ADAM17: variants seen among roughly 807,000 people sequenced by gnomAD.
ADAM17 encodes the protein disintegrin and metalloproteinase domain-containing protein 17.
Under a neutral mutation model 96.7 loss-of-function variants are expected in ADAM17, and 39 were observed. The ratio of observed to expected loss-of-function variants is 0.40; its 90% CI spans 0.31 to 0.53. The LOEUF is 0.53. Ranked by LOEUF, ADAM17 falls within the 20% of genes least tolerant of loss-of-function variation. The pLI is 0.44. For synonymous variants in ADAM17, 344 were observed against 359.2 expected (o/e 0.96, Z 0.48); for missense variants, 777 against 1,013.2 (o/e 0.77, Z 3.17).
chr2:9,505,119 A>G, intron 12 of ADAM17, 47 bp downstream of exon 12: 1 of 1,595,964 alleles, frequency 6.3e-7, no homozygotes, highest in Non-Finnish European at 8.6e-7. Flanking sequence ...TATTTTGGAC[A>G]TCTTGTTATA....
chr2:9,499,415 T>G, intron 13 of ADAM17, among the ~76,000 whole-genome samples: 1 of 152,106 alleles, frequency 6.6e-6, no homozygotes, highest in East Asian at 1.9e-4. Context: ...TTTTGGTTTT[T>G]TTTTGAGATG....
intron 1 of ADAM17, among the ~76,000 whole-genome samples, chr2:9,555,133 CACA>C (rs1198635865): frequency 5.9e-5 from 9 of 152,126 alleles, no homozygotes; most frequent in Non-Finnish European, 1.3e-4. Context: ...GGTAGGAACA[CACA>C]ACACTAGATT....
chr2:9,550,597 C>A (rs987636412), intron 1 of ADAM17, among the ~76,000 whole-genome samples: 1 of 151,850 alleles, frequency 6.6e-6, no homozygotes, highest in Non-Finnish European at 1.5e-5. Context: ...AGGCACGCAC[C>A]ACCACGCCTG....
In ADAM17 at chr2:9,494,784, G is replaced by C; in HGVS notation, c.1784-17C>G. 1 of 1,613,128 alleles carries C rather than the reference G, an allele frequency of 6.2e-7. No individual in the cohort carries two copies. The highest frequency in any genetic ancestry group is 8.5e-7 in the Non-Finnish European group (1 of 1,179,404). On this transcript the variant is annotated splice_polypyrimidine_tract_variant and intron_variant, in intron 14 of 18. Coordinates refer to ENST00000310823, the MANE Select transcript of ADAM17 (RefSeq NM_003183.6). ...TGTCAGTTTCTGGAACAGAGAACAC[G>C]CATTGACAGCTGGATTGTTCTGAGA...
intron 2 of ADAM17, among the ~76,000 whole-genome samples, chr2:9,539,157 G>A (rs1220701288): frequency 6.6e-6 from 1 of 151,478 alleles, no homozygotes; most frequent in Non-Finnish European, 1.5e-5. Context: ...GCCCAGGCTG[G>A]AGTGCAGTGG....
intron 2 of ADAM17, among the ~76,000 whole-genome samples, chr2:9,542,303 G>A (rs140837629): frequency 2.0e-4 from 31 of 152,298 alleles, no homozygotes; most frequent in Admixed American, 3.9e-4. Flanking sequence ...ACTTTGGGAG[G>A]CCAAGATGGA....
chr2:9,515,017 CCT>C (rs1663989084), intron 10 of ADAM17, among the ~76,000 whole-genome samples: 1 of 152,168 alleles, frequency 6.6e-6, no homozygotes, highest in Admixed American at 6.5e-5. Context: ...CCTGCCACCA[CCT>C]GTTTTTAAAT....
Position 9,543,256 on chromosome 2 carries a change from C to A in ADAM17, c.127G>T (p.Asp43Tyr), listed in dbSNP as rs749480182. 1 of 1,604,274 alleles carries A rather than the reference C, an allele frequency of 6.2e-7. No individual in the cohort carries two copies. The highest frequency in any genetic ancestry group is 8.5e-7 in the Non-Finnish European group (1 of 1,176,482). The change falls in exon 2 of 19, where the codon GAT (aspartate) becomes TAT (tyrosine). Residue 43 changes from aspartate (D) to tyrosine (Y), a missense_variant. Transcript: ENST00000310823. ...EKLDSLLSDY[D>Y]ILSLSNIQQH... ...TGGATATTAGATAAAGAGAGAATAT[C>A]GTAGTCTGAGAGCAAAGAATCAAGC... is the stretch of plus-strand genomic sequence containing the variant.
At chr2:9,549,531 G>C (rs748987023) in intron 1 of ADAM17, among the ~76,000 whole-genome samples, 1 of 152,132 alleles carries the variant, frequency 6.6e-6, no homozygotes, top group Non-Finnish European at 1.5e-5. Flanking sequence ...GTGGGTTTTT[G>C]TTTTGTTTTG....
intron 1 of ADAM17, among the ~76,000 whole-genome samples, chr2:9,552,849 C>G (rs528733127): frequency 1.2e-4 from 19 of 152,230 alleles, no homozygotes; most frequent in African/African-American, 4.3e-4. Context: ...CTCTAAAAAC[C>G]AGGCTTCATT....
chr2:9,500,645 A>T (rs1662942169), intron 13 of ADAM17, among the ~76,000 whole-genome samples: 1 of 152,224 alleles, frequency 6.6e-6, no homozygotes, highest in African/African-American at 2.4e-5. Flanking sequence ...ACAGATAGAT[A>T]TATCAGAGGA....
intron 10 of ADAM17, among the ~76,000 whole-genome samples, chr2:9,515,606 G>A (rs1224860363): frequency 1.3e-5 from 2 of 151,682 alleles, no homozygotes; most frequent in Non-Finnish European, 2.9e-5. Context: ...GAGTGGCAGC[G>A]GGCACCTGTA....
At chr2:9,547,628 G>C (rs1314699659) in intron 1 of ADAM17, among the ~76,000 whole-genome samples, 1 of 152,228 alleles carries the variant, frequency 6.6e-6, no homozygotes, top group East Asian at 1.9e-4. Context: ...TGAGGCTACA[G>C]TGCAGAGCAG....
intron 10 of ADAM17, 53 bp downstream of exon 10, chr2:9,517,848 G>C: frequency 8.3e-7 from 1 of 1,211,316 alleles, no homozygotes; most frequent in Non-Finnish European, 1.1e-6. Context: ...ATATAACTGA[G>C]GTTCTACTAC....
chr2:9,549,578 G>A (rs1020958879), intron 1 of ADAM17, among the ~76,000 whole-genome samples: 4 of 152,160 alleles, frequency 2.6e-5, no homozygotes, highest in African/African-American at 9.7e-5. Context: ...GCTCAGGCTA[G>A]AGTGCAGGGC....
Position 9,494,522 on chromosome 2 carries a change from A to G in ADAM17, c.1914+115T>C, listed in dbSNP as rs548981385. 12 of 1,233,746 alleles carry G rather than the reference A, an allele frequency of 9.7e-6. No individual in the cohort carries two copies. In the Admixed American group the frequency reaches 2.5e-4, roughly 26 times the overall value. The allele number at this position is 1,233,746 out of a possible 1,614,324, so 76.4% of individuals were successfully genotyped here. On this transcript the variant is annotated intron_variant, in intron 15 of 18. Coordinates refer to ENST00000310823, the MANE Select transcript of ADAM17 (RefSeq NM_003183.6). Reference sequence around the variant, plus strand: ...TAATACCCGTAGATAACAATGGGCCAGAAGGATGTAGCCCCACTTGTGTTT... The same window carrying G: ...TAATACCCGTAGATAACAATGGGCCGGAAGGATGTAGCCCCACTTGTGTTT...
At chr2:9,553,801 T>C (rs1665658378) in intron 1 of ADAM17, among the ~76,000 whole-genome samples, 1 of 151,278 alleles carries the variant, frequency 6.6e-6, no homozygotes, top group Non-Finnish European at 1.5e-5. Context: ...CGGTGGTTCA[T>C]GCCTGTAATC....
Position 9,543,216 on chromosome 2 carries a change from C to G in ADAM17, c.167G>C (p.Arg56Thr). 1.2e-6 allele frequency: 2 copies of G among 1,609,528 alleles called. No homozygotes were observed. Among genetic ancestry groups the G allele is most frequent in the Non-Finnish European group, 1.7e-6 (2 of 1,177,866 alleles). Residue 56 changes from arginine to threonine, a missense_variant, in exon 2 of 19, where the codon AGA (arginine) becomes ACA (threonine). Transcript: ENST00000310823. ...SLSNIQQHSV[R>T]KRDLQTSTHV... is the part of the protein sequence containing the mutation. ...TGTTGAAGTCTGTAGATCTCTTTTTCTTACCGAATGCTGCTGGATATTAGA... is the reference window on the plus strand; with the variant it reads ...TGTTGAAGTCTGTAGATCTCTTTTTGTTACCGAATGCTGCTGGATATTAGA...
rs1286891018 is a variant in ADAM17, at chr2:9,543,247, A to G, written c.136T>C (p.Ser46Pro). The change falls in exon 2 of 19, where the codon TCT becomes CCT. Residue 46 changes from serine (S) to proline (P), a missense_variant. Ser to Pro is a moderately conservative substitution (Grantham distance 74). Coordinates refer to ENST00000310823, the MANE Select transcript of ADAM17 (RefSeq NM_003183.6). ...GAATGCTGCTGGATATTAGATAAAG[A>G]GAGAATATCGTAGTCTGAGAGCAAA... ...DSLLSDYDIL[S>P]LSNIQQHSVR... is the part of the protein sequence containing the mutation. 2 of 1,609,858 alleles carry G rather than the reference A, an allele frequency of 1.2e-6. No individual in the cohort carries two copies. The highest frequency in any genetic ancestry group is 3.3e-4 in the Middle Eastern group (2 of 6,050).
Sources: allele counts gnomAD v4.1 joint callset (sites outside exome capture counted in the v4.1 genomes callset), GRCh38; gene constraint gnomAD v4.1.1; transcripts MANE v1.5; gene names NCBI Gene and HGNC (gene_info 2026-07-23, HGNC 2026-07-21).